The following LCA5 variants were observed in gnomAD, a reference collection of about 807,000 sequenced individuals.
The protein encoded by LCA5 is lebercilin LCA5.
In LCA5, 37 loss-of-function variants were observed where a neutral mutation model predicts 53.0. The observed-to-expected ratio is 0.70, with a 90% CI of 0.54 to 0.92. The LOEUF is 0.92. Among genes scored for constraint, LCA5 ranks in the 40% least tolerant of loss-of-function variants. The pLI is 0.00. For missense variants in LCA5, 806 were observed against 790.5 expected (o/e 1.02, Z -0.23); for synonymous variants, 303 against 282.9 (o/e 1.07, Z -0.71).
intron 1 of LCA5, among the ~76,000 whole-genome samples, chr6:79,532,240 G>C (rs530460256): frequency 6.6e-6 from 1 of 152,210 alleles, no homozygotes; most frequent in Admixed American, 6.5e-5. Context: ...CAGTGCTACT[G>C]GTCTAGTCAA....
At chr6:79,493,791 T>A (rs1423636646) in intron 3 of LCA5, 41 bp from the exon 4 acceptor site, 1 of 1,523,032 alleles carries the variant, frequency 6.6e-7, no homozygotes, top group Non-Finnish European at 9.0e-7. Flanking sequence ...TTTAAAAAAA[T>A]TCCAACAATG....
rs1769765897 is a variant in LCA5 at position 79,489,196 on chromosome 6, T to C, written c.1119A>G (p.Gln373=). The change falls in exon 7 of 8, where the codon CAA becomes CAG. Residue 373 remains glutamine (Q), a synonymous_variant. Transcript: ENST00000369846. The part of the protein sequence containing the change: ...HLTLDLQSQK[Q]DRHGEAGILN... ...GAATCCCTGCTTCTCCATGCCTGTC[T>C]TGCTTTTGAGATTGCAAGTCCTATT... The C allele has an allele frequency of 1.9e-6, 3 of 1,612,236 alleles. No individual in the cohort carries two copies. In the East Asian group the frequency reaches 6.7e-5, roughly 36 times the overall value.
At chr6:79,507,693 G>A (rs1770306140) in intron 3 of LCA5, among the ~76,000 whole-genome samples, 2 of 152,212 alleles carry the variant, frequency 1.3e-5, no homozygotes, top group Admixed American at 1.3e-4. Context: ...TACCTGTGAG[G>A]AACATCTGAG....
chr6:79,494,276 T>C (rs188674305), intron 3 of LCA5, among the ~76,000 whole-genome samples: 5 of 151,558 alleles, frequency 3.3e-5, no homozygotes, highest in African/African-American at 1.2e-4. Flanking sequence ...CTTGGGCAAA[T>C]AAGATACCAA....
chr6:79,493,084 CATAAG>C (rs1265004109), intron 4 of LCA5, among the ~76,000 whole-genome samples: 2 of 151,970 alleles, frequency 1.3e-5, no homozygotes, highest in Non-Finnish European at 2.9e-5. Flanking sequence ...AAAAAGAAAA[CATAAG>C]ATAATATATA....
Position 79,486,975 on chromosome 6 carries a change from C to T in LCA5, c.*29G>A. 2 of 1,557,650 alleles carry T rather than the reference C, an allele frequency of 1.3e-6. No homozygotes were observed. The highest frequency in any genetic ancestry group is 1.8e-6 in the Non-Finnish European group (2 of 1,139,990). Reference sequence around the variant, plus strand: ...CTGTATTAAAATATTTCAATATTTACAATTAGAAAAAATGTATACTCTAGT... The same window carrying T: ...CTGTATTAAAATATTTCAATATTTATAATTAGAAAAAATGTATACTCTAGT... On this transcript the variant is annotated 3_prime_UTR_variant, in exon 8 of 8. Transcript: ENST00000369846.
intron 2 of LCA5, among the ~76,000 whole-genome samples, chr6:79,517,903 T>C (rs759475636): frequency 6.6e-6 from 1 of 152,092 alleles, no homozygotes; most frequent in Non-Finnish European, 1.5e-5. Context: ...CACCCACAAT[T>C]TTACCACTCC....
Position 79,485,558 on chromosome 6 carries a change from C to A in LCA5, c.*1446G>T, listed in dbSNP as rs1390565160. 1 of 152,020 alleles carries A rather than the reference C, an allele frequency of 6.6e-6. No individual in the cohort carries two copies. Among genetic ancestry groups the A allele is most frequent in the African/African-American group, 2.4e-5 (1 of 41,302 alleles). 9.4% of individuals were successfully genotyped at this position (152,020 alleles called of 1,614,324 possible). On this transcript the variant is annotated 3_prime_UTR_variant, in exon 8 of 8. Transcript: ENST00000369846. ...ACAATTTAGAAGATGACAGGTGGTA[C>A]ATCTTTTAATTGGAGACCTAACCAG...
At chr6:79,536,439 A>C (rs1164330494) in intron 1 of LCA5, among the ~76,000 whole-genome samples, 1 of 152,234 alleles carries the variant, frequency 6.6e-6, no homozygotes, top group Non-Finnish European at 1.5e-5. Context: ...CAAAGTGAAC[A>C]AAAAAGGGGT....
rs749864209 is a variant in LCA5, at chr6:79,518,781, C to G, written c.114G>C (p.Leu38=). 6.2e-7 allele frequency: 1 copy of G among 1,614,044 alleles called. No individual in the cohort carries two copies. The highest frequency in any genetic ancestry group is 1.7e-5 in the Admixed American group (1 of 59,996). ...ETPQSSGRSS[L]VSSSPASVRR... ...TAACACTTGCAGGTGAAGAACTGAC[C>G]AGCGATGATCGGCCAGAAGACTGTG... Residue 38 remains leucine, a synonymous_variant, in exon 2 of 8, where the codon CTG becomes CTC. Coordinates refer to ENST00000369846, the MANE Select transcript of LCA5 (RefSeq NM_001122769.3).
chr6:79,500,315 A>G (rs1369117505), intron 3 of LCA5, among the ~76,000 whole-genome samples: 11 of 152,212 alleles, frequency 7.2e-5, no homozygotes, highest in Admixed American at 7.2e-4. Context: ...ATATCACAGA[A>G]TTCTGTCTTG....
At chr6:79,523,817 T>C (rs1766699081) in intron 1 of LCA5, among the ~76,000 whole-genome samples, 1 of 152,176 alleles carries the variant, frequency 6.6e-6, no homozygotes, top group Admixed American at 6.5e-5. Context: ...TTCCACATAG[T>C]TCCATAAAAA....
upstream of LCA5, among the ~76,000 whole-genome samples, chr6:79,537,832 T>A (rs1359644579): frequency 1.3e-5 from 2 of 152,154 alleles, no homozygotes; most frequent in Admixed American, 1.3e-4. Flanking sequence ...ACAAACAAAC[T>A]GCTAGTGCTT....
intron 5 of LCA5, 42 bp downstream of exon 5, chr6:79,492,509 A>T: frequency 1.1e-6 from 1 of 923,612 alleles, no homozygotes; most frequent in Non-Finnish European, 1.7e-6. Context: ...TCACTAAATA[A>T]TAGCAATAAT....
chr6:79,508,934 ACT>A (rs1770338431), intron 3 of LCA5, among the ~76,000 whole-genome samples: 1 of 152,290 alleles, frequency 6.6e-6, no homozygotes, highest in East Asian at 1.9e-4. Flanking sequence ...AAAGTAAGAA[ACT>A]CAATAGTAAA....
At chr6:79,528,689 A>G (rs1416416956) in intron 1 of LCA5, among the ~76,000 whole-genome samples, 1 of 152,196 alleles carries the variant, frequency 6.6e-6, no homozygotes, top group Non-Finnish European at 1.5e-5. Context: ...TCAACTATTA[A>G]TAAGAATGTG....
Position 79,520,162 on chromosome 6 carries a change from T to C in LCA5, c.-191-1077A>G, listed in dbSNP as rs142393643. On this transcript the variant is annotated intron_variant, in intron 1 of 7. Transcript: ENST00000369846. ...TGTGCAAATATTTAATGTAGTACAG[T>C]ACTTTTTTTTTAATGGAAGCAAATT... is the stretch of plus-strand genomic sequence containing the variant. Among the ~76,000 whole-genome samples the C allele has an allele frequency of 7.2e-3, 1,089 of 152,220 alleles. 14 individuals are homozygous for C. The highest frequency in any genetic ancestry group is 0.024 in the African/African-American group (1,011 of 41,540).
At chr6:79,504,372 A>G (rs1770221615) in intron 3 of LCA5, among the ~76,000 whole-genome samples, 1 of 152,224 alleles carries the variant, frequency 6.6e-6, no homozygotes, top group South Asian at 2.1e-4. Flanking sequence ...GAGCCAATTC[A>G]CAAACTGGGC....
At chr6:79,531,060 T>C (rs868189880) in intron 1 of LCA5, among the ~76,000 whole-genome samples, 31 of 152,232 alleles carry the variant, frequency 2.0e-4, no homozygotes, top group African/African-American at 7.5e-4. Flanking sequence ...AGGCCCAAAC[T>C]TACCCAAGTT....
Sources: allele counts gnomAD v4.1 joint callset (sites outside exome capture counted in the v4.1 genomes callset), GRCh38; gene constraint gnomAD v4.1.1; transcripts MANE v1.5; gene names NCBI Gene and HGNC (gene_info 2026-07-23, HGNC 2026-07-21).